Variants in FREM1 observed in about 807,000 individuals in gnomAD.
FREM1 encodes FRAS1-related extracellular matrix protein 1.
In FREM1, 220 loss-of-function variants were observed where a neutral mutation model predicts 210.1. That is an observed-to-expected ratio of 1.05 (90% CI 0.94 to 1.17). FREM1 has a LOEUF of 1.17. FREM1 is among the 50% of genes most tolerant of loss of function. The pLI is 0.00. For missense variants in FREM1, 3,454 were observed against 2,675.5 expected (o/e 1.29, Z -6.42); for synonymous variants, 1,189 against 980.2 (o/e 1.21, Z -3.98).
chr9:14,895,383 T>C (rs1395013361), intron 1 of FREM1, among the ~76,000 whole-genome samples: 2 of 152,192 alleles, frequency 1.3e-5, no homozygotes, highest in African/African-American at 4.8e-5. Context: ...CAGTTGTTTT[T>C]TGAGTATTTT....
intron 25 of FREM1, among the ~76,000 whole-genome samples, chr9:14,775,173 T>C (rs571736362): frequency 7.2e-5 from 11 of 152,260 alleles, no homozygotes; most frequent in Admixed American, 1.3e-4. Flanking sequence ...AAAAGTAGAT[T>C]CAGAAGAGTT....
chr9:14,754,675 T>C (rs769642388), intron 29 of FREM1, among the ~76,000 whole-genome samples: 13 of 152,132 alleles, frequency 8.5e-5, no homozygotes, highest in Non-Finnish European at 1.6e-4. Context: ...GACTCATGCC[T>C]GTAATCCCAG....
At chr9:14,832,506 G>T (rs1379436320) in intron 10 of FREM1, among the ~76,000 whole-genome samples, 2 of 152,196 alleles carry the variant, frequency 1.3e-5, no homozygotes, top group African/African-American at 4.8e-5. Context: ...ATTCCCAATA[G>T]GAAGAGAGGC....
chr9:14,856,567 C>G (rs548054642), intron 5 of FREM1, among the ~76,000 whole-genome samples: 1 of 152,248 alleles, frequency 6.6e-6, no homozygotes, highest in South Asian at 2.1e-4. Context: ...CTTTCCTCAG[C>G]ACAAAATCTC....
intron 1 of FREM1, among the ~76,000 whole-genome samples, chr9:14,880,972 T>C (rs984798027): frequency 6.6e-6 from 1 of 152,192 alleles, no homozygotes. Context: ...AGTGTGGCAA[T>C]CCACCTATTA....
chr9:14,821,013 T>C (rs1474146755), intron 13 of FREM1, among the ~76,000 whole-genome samples: 1 of 152,172 alleles, frequency 6.6e-6, no homozygotes, highest in Non-Finnish European at 1.5e-5. Context: ...AGGGCAACTT[T>C]CAAAAAAATA....
chr9:14,774,441 G>A (rs1848171966), intron 25 of FREM1, among the ~76,000 whole-genome samples: 1 of 151,876 alleles, frequency 6.6e-6, no homozygotes, highest in East Asian at 1.9e-4. Context: ...GCCTGCCAAC[G>A]TGCCCTGTGT....
intron 2 of FREM1, among the ~76,000 whole-genome samples, chr9:14,866,373 A>G (rs1564120708): frequency 1.3e-5 from 2 of 152,204 alleles, no homozygotes; most frequent in South Asian, 4.1e-4. Context: ...TTAAAACATC[A>G]CTAAAGATAT....
chr9:14,847,890 G>A (rs905039687), intron 7 of FREM1, among the ~76,000 whole-genome samples: 2 of 152,136 alleles, frequency 1.3e-5, no homozygotes, highest in African/African-American at 4.8e-5. Flanking sequence ...CCCCTTGACA[G>A]AGGTACAGTA....
At chr9:14,787,930 C>T (rs1300522474) in intron 23 of FREM1, among the ~76,000 whole-genome samples, 1 of 152,026 alleles carries the variant, frequency 6.6e-6, no homozygotes, top group African/African-American at 2.4e-5. Flanking sequence ...AGGAAATAAG[C>T]AAATAAAATA....
At chr9:14,794,259 G>C (rs901251417) in intron 21 of FREM1, among the ~76,000 whole-genome samples, 1 of 152,044 alleles carries the variant, frequency 6.6e-6, no homozygotes, top group South Asian at 2.1e-4. Flanking sequence ...GCAACAAAGG[G>C]TGTTTTACTG....
chr9:14,883,368 A>G (rs1343217996), intron 1 of FREM1, among the ~76,000 whole-genome samples: 2 of 152,218 alleles, frequency 1.3e-5, no homozygotes, highest in East Asian at 3.8e-4. Flanking sequence ...GAAGCAATAA[A>G]GATCAAAAAG....
chr9:14,776,068 G>C lies in FREM1; in HGVS notation c.4578C>G (p.Ser1526=), dbSNP rs779641943. The C allele has an allele frequency of 2.4e-5, 38 of 1,613,564 alleles. No individual in the cohort carries two copies. Among genetic ancestry groups the C allele is most frequent in the Admixed American group, 3.3e-5 (2 of 60,004 alleles). The change falls in exon 25 of 37, where the codon TCC becomes TCG. Residue 1526 remains serine (S), a synonymous_variant. Transcript: ENST00000380880. ...GGTCGGTCAGCTGAAGGAGGTCAGGGGAAAGCAGGCCCACGGCCCCTTGGG... is the reference window on the plus strand; with the variant it reads ...GGTCGGTCAGCTGAAGGAGGTCAGGCGAAAGCAGGCCCACGGCCCCTTGGG... ...RLAQGAVGLL[S]PDLLQLTDPD... is the part of the protein sequence containing the mutation.
chr9:14,760,611 A>T (rs1845313607), intron 27 of FREM1, among the ~76,000 whole-genome samples: 1 of 151,884 alleles, frequency 6.6e-6, no homozygotes, highest in Non-Finnish European at 1.5e-5. Context: ...AGAGAGGAAC[A>T]TTTTTTTTCA....
chr9:14,874,336 T>G (rs369360202), intron 1 of FREM1, among the ~76,000 whole-genome samples: 6,703 of 151,168 alleles, frequency 0.044, 523 homozygotes, highest in African/African-American at 0.16. Flanking sequence ...ACTTGCTTTA[T>G]GAATCTGGGT....
chr9:14,802,835 T>C (rs1378789051), intron 19 of FREM1, among the ~76,000 whole-genome samples: 3 of 152,090 alleles, frequency 2.0e-5, no homozygotes. Flanking sequence ...TAACTATAAC[T>C]CAAGGAAGAA....
At position 14,737,274 on chromosome 9, in the gene FREM1, A is replaced by G; in HGVS notation, c.*122T>C. On this transcript the variant is annotated 3_prime_UTR_variant, in exon 37 of 37. Transcript: ENST00000380880. ...ATTAAAAATGTCCCATTTTCACTAGACAGAATCACAAAGGTATACCCACTC... is the reference window on the plus strand; with the variant it reads ...ATTAAAAATGTCCCATTTTCACTAGGCAGAATCACAAAGGTATACCCACTC... 4.9e-6 allele frequency: 3 copies of G among 608,126 alleles called. No individual in the cohort carries two copies. The highest frequency in any genetic ancestry group is 8.4e-6 in the Non-Finnish European group (3 of 356,890). 37.7% of individuals were successfully genotyped at this position (608,126 alleles called of 1,614,324 possible).
intron 25 of FREM1, chr9:14,774,044 T>C: frequency 2.0e-6 from 1 of 507,358 alleles, no homozygotes; most frequent in Non-Finnish European, 3.9e-6. Context: ...AACAATAATT[T>C]TAATACAAAG....
intron 36 of FREM1, among the ~76,000 whole-genome samples, chr9:14,739,161 T>C (rs1180667213): frequency 6.6e-6 from 1 of 151,746 alleles, no homozygotes; most frequent in African/African-American, 2.4e-5. Flanking sequence ...TGGAATGCAG[T>C]GGCACAATCA....
Sources: allele counts gnomAD v4.1 joint callset (sites outside exome capture counted in the v4.1 genomes callset), GRCh38; gene constraint gnomAD v4.1.1; transcripts MANE v1.5; gene names NCBI Gene and HGNC (gene_info 2026-07-23, HGNC 2026-07-21).